The following NHS variants were observed in gnomAD, a reference collection of about 807,000 sequenced individuals.
NHS encodes actin remodeling regulator NHS.
A neutral mutation model predicts 72.5 loss-of-function variants in NHS; 5 were observed. That is an observed-to-expected ratio of 0.07 (90% confidence interval 0.04 to 0.14). NHS has a LOEUF of 0.14. NHS is among the 10% of genes least tolerant of loss of function. NHS has a pLI of 1.00. For synonymous variants in NHS, 464 were observed against 547.7 expected, an observed-to-expected ratio of 0.85 and a Z score of 2.13; for missense variants, 1,072 against 1,355.7, an observed-to-expected ratio of 0.79 and a Z score of 3.29.
chrX:17,422,152 C>T (rs1426311441), intron 1 of NHS, among the ~76,000 whole-genome samples: 1 of 112,206 alleles, frequency 8.9e-6, no homozygotes, highest in Non-Finnish European at 1.9e-5. Flanking sequence ...TGTTTTTGAA[C>T]TTCATATAAA....
At chrX:17,720,793 A>G (rs1246213081) in intron 4 of NHS, among the ~76,000 whole-genome samples, 2 of 112,633 alleles carry the variant, frequency 1.8e-5, no homozygotes, top group East Asian at 2.8e-4. Flanking sequence ...ATTTCCCCCC[A>G]GTAACAGCAT....
chrX:17,563,568 A>G (rs1327563925), intron 1 of NHS, among the ~76,000 whole-genome samples: 2 of 112,433 alleles, frequency 1.8e-5, no homozygotes, highest in East Asian at 5.6e-4. Flanking sequence ...GAAAAAGATG[A>G]AAGGTATTGA....
At chrX:17,432,799 G>C (rs1298981192) in intron 1 of NHS, among the ~76,000 whole-genome samples, 1 of 110,685 alleles carries the variant, frequency 9.0e-6, no homozygotes, top group African/African-American at 3.3e-5. Flanking sequence ...TGCAGAGACA[G>C]TATCCCTCTA....
intron 1 of NHS, among the ~76,000 whole-genome samples, chrX:17,537,351 C>G (rs1327969238): frequency 8.9e-6 from 1 of 112,292 alleles, no homozygotes; most frequent in Non-Finnish European, 1.9e-5. Context: ...TGGAGCAAAT[C>G]TACACCTAGA....
intron 1 of NHS, among the ~76,000 whole-genome samples, chrX:17,430,029 G>T (rs1169938184): frequency 9.0e-6 from 1 of 111,308 alleles, no homozygotes; most frequent in African/African-American, 3.3e-5. Flanking sequence ...GAGGTTCATG[G>T]CTATGAACAC....
chrX:17,707,918 C>T (rs757047615), intron 3 of NHS, among the ~76,000 whole-genome samples: 79 of 111,538 alleles, frequency 7.1e-4, no homozygotes, highest in African/African-American at 1.9e-3. Flanking sequence ...GATTGAGAAA[C>T]GCTGATCAAG....
At chrX:17,615,117 T>TAC (rs1284695972) in intron 1 of NHS, among the ~76,000 whole-genome samples, 1 of 97,918 alleles carries the variant, frequency 1.0e-5, no homozygotes, top group African/African-American at 3.7e-5. Context: ...TATATATATA[T>TAC]ACACACATAT....
At chrX:17,640,329 T>C (rs1229834039) in intron 1 of NHS, among the ~76,000 whole-genome samples, 1 of 111,631 alleles carries the variant, frequency 9.0e-6, no homozygotes, top group East Asian at 2.8e-4. Context: ...TCCTGAAGGG[T>C]ATTACTTTTC....
chrX:17,606,802 A>G (rs1467577620), intron 1 of NHS, among the ~76,000 whole-genome samples: 1 of 112,087 alleles, frequency 8.9e-6, no homozygotes, highest in Non-Finnish European at 1.9e-5. Context: ...CATTGGCACG[A>G]TTCATACTGA....
intron 1 of NHS, among the ~76,000 whole-genome samples, chrX:17,448,165 T>C (rs752466015): frequency 1.2e-4 from 14 of 112,006 alleles, no homozygotes; most frequent in South Asian, 3.7e-4. Flanking sequence ...CTAGAAGATG[T>C]TTTAGTGGGA....
chrX:17,665,654 A>G (rs2066008762), intron 1 of NHS, among the ~76,000 whole-genome samples: 1 of 111,205 alleles, frequency 9.0e-6, no homozygotes, highest in African/African-American at 3.3e-5. Flanking sequence ...AGGTTTCCAT[A>G]TTAGGATTAT....
chrX:17,380,327 G>A (rs919997821), intron 1 of NHS, among the ~76,000 whole-genome samples: 3 of 109,802 alleles, frequency 2.7e-5, no homozygotes, highest in East Asian at 5.7e-4. Context: ...CAAATCAGAG[G>A]TGTTGGAGAA....
intron 1 of NHS, among the ~76,000 whole-genome samples, chrX:17,461,824 T>C (rs2064848911): frequency 8.9e-6 from 1 of 112,925 alleles, no homozygotes; most frequent in African/African-American, 3.2e-5. Flanking sequence ...GGCTTTTGGC[T>C]GGCCATTGGT....
At chrX:17,650,686 C>T (rs2065926841) in intron 1 of NHS, among the ~76,000 whole-genome samples, 1 of 112,241 alleles carries the variant, frequency 8.9e-6, no homozygotes, top group Non-Finnish European at 1.9e-5. Flanking sequence ...TAATATACCA[C>T]CTCTTGAACT....
At position 17,731,960 on chromosome X, in the gene NHS, C is replaced by T. The variant is rs753548961; in HGVS notation, c.4452C>T (p.Ile1484=). 3.3e-6 allele frequency: 4 copies of T among 1,211,878 alleles called. No homozygotes were observed. The highest frequency in any genetic ancestry group is 3.5e-5 in the South Asian group (2 of 56,965). Residue 1484 remains isoleucine, a synonymous_variant, in exon 9 of 9, where the codon ATC becomes ATT. Transcript: ENST00000676302. ...GTAGCAGCAGCAGCGCCAGTTCCAT[C>T]ACTTCACCCAGCAGTAATGTGACAA... ...LSSSSSSASS[I]TSPSSNVTTP...
At chrX:17,560,727 G>A (rs2065407962) in intron 1 of NHS, among the ~76,000 whole-genome samples, 1 of 112,417 alleles carries the variant, frequency 8.9e-6, no homozygotes, top group African/African-American at 3.2e-5. Flanking sequence ...TGCAAGAACC[G>A]AATGCTCCCT....
Position 17,725,626 on chromosome X carries a change from T to C in NHS, c.1520T>C (p.Leu507Pro), listed in dbSNP as rs1370829489. 1 of 1,211,440 alleles carries C rather than the reference T, an allele frequency of 8.3e-7. No individual in the cohort carries two copies. The highest frequency in any genetic ancestry group is 2.2e-5 in the Admixed American group (1 of 46,007). ...AGCAGCCGCACAAGATCTCGGAGCC[T>C]TCCCCGGGAAGGTAATAGAGGTGGG... Reference protein sequence around the residue: ...AVSSRTRSRSLPREGNRGGDA... With the variant: ...AVSSRTRSRSPPREGNRGGDA... The change falls in exon 7 of 9, where the codon CTT (leucine) becomes CCT (proline). Residue 507 changes from leucine to proline, a missense_variant. Physicochemically the swap from Leu to Pro is moderately conservative, Grantham distance 98. Coordinates refer to ENST00000676302, the MANE Select transcript of NHS (RefSeq NM_001291867.2).
At chrX:17,429,178 T>C (rs924444430) in intron 1 of NHS, among the ~76,000 whole-genome samples, 1 of 110,406 alleles carries the variant, frequency 9.1e-6, no homozygotes, top group Admixed American at 9.6e-5. Flanking sequence ...GAAAGGATAA[T>C]GAAGTCTGCT....
At chrX:17,602,684 C>CT (rs150537632) in intron 1 of NHS, among the ~76,000 whole-genome samples, 1,301 of 104,219 alleles carry the variant, frequency 0.012, 38 homozygotes, top group Admixed American at 0.073. Flanking sequence ...TTAACTTTGA[C>CT]TTTTTTTTTT....
Sources: allele counts gnomAD v4.1 joint callset (sites outside exome capture counted in the v4.1 genomes callset), GRCh38; gene constraint gnomAD v4.1.1; transcripts MANE v1.5; gene names NCBI Gene and HGNC (gene_info 2026-07-23, HGNC 2026-07-21).